The following EYS variants were observed in gnomAD, a reference collection of about 807,000 sequenced individuals.
EYS encodes the protein EGF-like photoreceptor maintenance factor.
A neutral mutation model predicts 282.1 loss-of-function variants in EYS; 250 were observed. The observed-to-expected ratio is 0.89, with a 90% CI of 0.80 to 0.98. The LOEUF (loss-of-function observed/expected upper bound fraction) is 0.98, where lower values mean the gene tolerates loss of function less well. EYS is among the 50% of genes least tolerant of loss of function. The pLI is 0.00. For missense variants in EYS, 4,016 were observed against 3,709.0 expected (o/e 1.08, Z -2.15); for synonymous variants, 1,355 against 1,282.9 (o/e 1.06, Z -1.20).
chr6:65,220,179 G>T (rs1423085072), intron 12 of EYS, among the ~76,000 whole-genome samples: 1 of 151,862 alleles, frequency 6.6e-6, no homozygotes, highest in Non-Finnish European at 1.5e-5. Context: ...ACATCAAAAA[G>T]ACTACTTGCG....
chr6:64,867,588 C>T (rs1766463079), intron 19 of EYS, among the ~76,000 whole-genome samples: 3 of 151,584 alleles, frequency 2.0e-5, no homozygotes, highest in African/African-American at 7.2e-5. Flanking sequence ...TCTATAGATG[C>T]TTATCTTCTT....
At chr6:63,805,865 A>G (rs114595830) in intron 37 of EYS, among the ~76,000 whole-genome samples, 1,805 of 152,172 alleles carry the variant, frequency 0.012, 31 homozygotes, top group African/African-American at 0.042. Flanking sequence ...ATGCTTGTAA[A>G]TTTCCGGAGG....
chr6:65,679,304 A>ATG (rs1768736872), intron 1 of EYS, among the ~76,000 whole-genome samples: 1 of 151,856 alleles, frequency 6.6e-6, no homozygotes, highest in African/African-American at 2.4e-5. Flanking sequence ...GTGTATGTGT[A>ATG]TGTGTGTGCA....
At chr6:64,164,094 C>T (rs1775193240) in intron 31 of EYS, among the ~76,000 whole-genome samples, 1 of 152,036 alleles carries the variant, frequency 6.6e-6, no homozygotes, top group South Asian at 2.1e-4. Flanking sequence ...AAATGGTGAT[C>T]TTGAGGTATC....
intron 30 of EYS, among the ~76,000 whole-genome samples, chr6:64,289,472 ATCC>A (rs1768622241): frequency 6.6e-6 from 1 of 152,038 alleles, no homozygotes; most frequent in Non-Finnish European, 1.5e-5. Context: ...AGGAGTTCTC[ATCC>A]TATGAGAAGG....
chr6:65,025,650 G>T (rs763898491), intron 13 of EYS, among the ~76,000 whole-genome samples: 26 of 152,142 alleles, frequency 1.7e-4, no homozygotes, highest in Admixed American at 6.6e-4. Context: ...GGAGGGAGAG[G>T]TTGCAGTGAG....
intron 12 of EYS, among the ~76,000 whole-genome samples, chr6:65,113,015 A>C (rs1375754562): frequency 6.6e-6 from 1 of 152,100 alleles, no homozygotes; most frequent in African/African-American, 2.4e-5. Context: ...ATGCAGTATT[A>C]ATATAAAATG....
chr6:63,826,934 A>G (rs145221442), intron 36 of EYS, among the ~76,000 whole-genome samples: 1,847 of 152,132 alleles, frequency 0.012, 31 homozygotes, highest in African/African-American at 0.043. Context: ...TCATATTTCA[A>G]TACTAACATT....
At chr6:65,352,677 C>T (rs2055504) in intron 9 of EYS, among the ~76,000 whole-genome samples, 1 of 151,164 alleles carries the variant, frequency 6.6e-6, no homozygotes, top group Non-Finnish European at 1.5e-5. Context: ...TATGACTCAC[C>T]TTATTACTCC....
intron 15 of EYS, among the ~76,000 whole-genome samples, chr6:64,934,319 T>C (rs1398054614): frequency 6.6e-6 from 1 of 151,346 alleles, no homozygotes; most frequent in Non-Finnish European, 1.5e-5. Flanking sequence ...ACATATGAGT[T>C]CCAAAAGGAA....
At chr6:63,738,773 T>TA (rs976656547) in intron 41 of EYS, among the ~76,000 whole-genome samples, 3 of 151,868 alleles carry the variant, frequency 2.0e-5, no homozygotes, top group Non-Finnish European at 4.4e-5. Flanking sequence ...TATACACACA[T>TA]AAAAAAAATT....
intron 2 of EYS, among the ~76,000 whole-genome samples, chr6:65,500,258 A>G (rs1246205533): frequency 2.0e-5 from 3 of 152,054 alleles, no homozygotes; most frequent in Non-Finnish European, 4.4e-5. Context: ...GATTAAACAA[A>G]GCGGCTGAGG....
Position 65,511,683 on chromosome 6 carries a change from T to G in EYS, c.-332-15690A>C, listed in dbSNP as rs1455470583. Among the ~76,000 whole-genome samples, 3 of 152,012 alleles carry G rather than the reference T, an allele frequency of 2.0e-5. No individual in the cohort carries two copies. In the East Asian group the frequency reaches 5.8e-4, roughly 30 times the overall value. ...ATCCAATAACTCAGGACAGGCGAGGTGACTCATGCCTATAATCTCAGCATT... is the reference window on the plus strand; with the variant it reads ...ATCCAATAACTCAGGACAGGCGAGGGGACTCATGCCTATAATCTCAGCATT... On this transcript the variant is annotated intron_variant, in intron 2 of 42. Transcript: ENST00000503581.
At position 64,074,935 on chromosome 6, in the gene EYS, C is replaced by T. The variant is rs1242229280; in HGVS notation, c.6571+6921G>A. ...ATGAATAGATGTACCCTATATTGTA[C>T]AATAGCTCACACTAACTTGGGTTCA... On this transcript the variant is annotated intron_variant, in intron 32 of 42. Coordinates refer to ENST00000503581, the MANE Select transcript of EYS (RefSeq NM_001142800.2). 4.6e-5 allele frequency among the ~76,000 whole-genome samples: 7 copies of T among 151,992 alleles called. No individual in the cohort carries two copies. The East Asian group carries it at 1.2e-3, about 25-fold the overall frequency.
intron 12 of EYS, among the ~76,000 whole-genome samples, chr6:65,191,855 A>C (rs1223954468): frequency 6.6e-6 from 1 of 151,868 alleles, no homozygotes; most frequent in Non-Finnish European, 1.5e-5. Flanking sequence ...GGTGATCACC[A>C]TGCTGCCTTG....
In EYS at chr6:64,902,385, C is replaced by T. The variant is rs1013111745; in HGVS notation, c.2738+19G>A. Reference sequence around the variant, plus strand: ...AGACACATAAACATGTATCTAGATACTTTTTAAGTTTTCTGTACCTGAAAT... The same window carrying T: ...AGACACATAAACATGTATCTAGATATTTTTTAAGTTTTCTGTACCTGAAAT... On this transcript the variant is annotated intron_variant, in intron 17 of 42. Coordinates refer to ENST00000503581, the MANE Select transcript of EYS (RefSeq NM_001142800.2). 16 of 1,500,870 alleles carry T rather than the reference C, an allele frequency of 1.1e-5. No homozygotes were observed. In the African/African-American group the frequency reaches 2.2e-4, roughly 21 times the overall value. 93.0% of individuals were successfully genotyped at this position (1,500,870 alleles called of 1,614,324 possible).
chr6:64,810,799 C>A (rs923045681), intron 22 of EYS, among the ~76,000 whole-genome samples: 2 of 151,890 alleles, frequency 1.3e-5, no homozygotes, highest in African/African-American at 2.4e-5. Context: ...GTCAAACAGA[C>A]CTTAGCAAAA....
At chr6:65,605,015 T>C (rs1219002460) in intron 2 of EYS, among the ~76,000 whole-genome samples, 1 of 150,916 alleles carries the variant, frequency 6.6e-6, no homozygotes, top group East Asian at 1.9e-4. Flanking sequence ...AGCTATTTTT[T>C]TTTTTTTTTG....
At chr6:65,176,231 T>A (rs1765220467) in intron 12 of EYS, among the ~76,000 whole-genome samples, 2 of 151,590 alleles carry the variant, frequency 1.3e-5, no homozygotes, top group South Asian at 4.1e-4. Flanking sequence ...TTGACCAAGA[T>A]CTTGCCATTT....
Sources: gnomAD v4.1 joint callset for allele counts (sites outside exome capture counted in the v4.1 genomes callset) on GRCh38, gnomAD v4.1.1 for gene constraint, MANE v1.5 for transcripts, NCBI Gene and HGNC (gene_info 2026-07-23, HGNC 2026-07-21) for gene names.